AKAP13: variants seen among roughly 807,000 people sequenced by gnomAD.
AKAP13 encodes the protein A-kinase anchoring protein 13.
In AKAP13, 80 loss-of-function variants were observed where a neutral mutation model predicts 264.5. That is an observed-to-expected ratio of 0.30 (90% CI 0.25 to 0.36). AKAP13 has a LOEUF of 0.36. Ranked by LOEUF, AKAP13 falls within the 10% of genes least tolerant of loss-of-function variation. AKAP13 has a pLI of 1.00. For synonymous variants in AKAP13, 1,380 were observed against 1,250.2 expected, an observed-to-expected ratio of 1.10 and a Z score of -2.19; for missense variants, 3,712 against 3,435.2, an observed-to-expected ratio of 1.08 and a Z score of -2.01.
rs369008646 is a variant in AKAP13 at position 85,606,090 on chromosome 15, CTTTTTTT to C, written c.4161+20287_4161+20293del. 8.8e-3 allele frequency among the ~76,000 whole-genome samples: 776 copies of C among 88,342 alleles called. 10 individuals are homozygous for C. The highest frequency in any genetic ancestry group is 0.054 in the East Asian group (101 of 1,882). 58.0% of individuals were successfully genotyped at this position (88,342 alleles called of 152,430 possible). ...AGATTTTCTGCACTGGTTTGATCTA[CTTTTTTT>C]TTTTTTTTTTTTTTTTTTTGTTGAG... is the stretch of plus-strand genomic sequence containing the variant. On this transcript the variant is annotated intron_variant, in intron 8 of 36. Coordinates refer to ENST00000394518, the MANE Select transcript of AKAP13 (RefSeq NM_007200.5).
intron 1 of AKAP13, among the ~76,000 whole-genome samples, chr15:85,473,391 G>A (rs182426213): frequency 1.1e-4 from 16 of 152,290 alleles, no homozygotes; most frequent in Non-Finnish European, 2.1e-4. Context: ...ATTCAATTCA[G>A]CAAATATTTG....
chr15:85,652,665 C>A (rs2082909195), intron 10 of AKAP13, among the ~76,000 whole-genome samples: 1 of 152,168 alleles, frequency 6.6e-6, no homozygotes, highest in South Asian at 2.1e-4. Flanking sequence ...GGTCCCAGTT[C>A]TGGAGGCTGG....
chr15:85,670,510 G>A (rs185305642), intron 14 of AKAP13, among the ~76,000 whole-genome samples: 1 of 149,132 alleles, frequency 6.7e-6, no homozygotes, highest in East Asian at 2.0e-4. Context: ...CGATAAAATT[G>A]TGTTATCTAG....
intron 8 of AKAP13, chr15:85,635,040 G>A (rs1448847031): frequency 7.5e-6 from 3 of 397,978 alleles, no homozygotes; most frequent in Non-Finnish European, 1.3e-5. Context: ...AAATTCCAGT[G>A]CAAGTCTTTG....
At chr15:85,672,581 A>G (rs144783074) in intron 14 of AKAP13, among the ~76,000 whole-genome samples, 4 of 152,350 alleles carry the variant, frequency 2.6e-5, no homozygotes, top group African/African-American at 9.6e-5. Context: ...AAATAGTGTC[A>G]TAAATAAAAT....
intron 1 of AKAP13, among the ~76,000 whole-genome samples, chr15:85,383,868 G>T (rs570009363): frequency 6.6e-6 from 1 of 152,332 alleles, no homozygotes; most frequent in South Asian, 2.1e-4. Context: ...ACTTGTTTAA[G>T]GTAGAGCTGG....
rs74573253 is a variant in AKAP13 at position 85,525,307 on chromosome 15, C to T, written c.181+3732C>T. ...TCTCCTGACCTCGTGATCCACCTGC[C>T]TTGGCCTCCCAAAGTGCTGGGATTA... is the stretch of plus-strand genomic sequence containing the variant. On this transcript the variant is annotated intron_variant, in intron 3 of 36. Coordinates refer to ENST00000394518, the MANE Select transcript of AKAP13 (RefSeq NM_007200.5). Among the ~76,000 whole-genome samples, 181 of 152,256 alleles carry T rather than the reference C, an allele frequency of 1.2e-3. 3 individuals are homozygous for T. In the East Asian group the frequency reaches 0.03, roughly 25 times the overall value.
chr15:85,638,777 T>A (rs981319090), intron 8 of AKAP13, among the ~76,000 whole-genome samples: 1 of 144,708 alleles, frequency 6.9e-6, no homozygotes, highest in East Asian at 2.0e-4. Flanking sequence ...TTTTTTTTTT[T>A]GAGATGGCGT....
rs1177615001 is a variant in AKAP13, at chr15:85,743,616, C to A, written c.8183C>A (p.Ser2728Tyr). ...SGSLDSELSVSPKRNSISRTH... is the reference protein window; with the variant it reads ...SGSLDSELSVYPKRNSISRTH... ...TCATTGGACTCAGAACTTTCAGTGT[C>A]CCCAAAAAGGAACAGCATCTCTCGG... The change falls in exon 36 of 37, where the codon TCC becomes TAC. Residue 2728 changes from serine (S) to tyrosine (Y), a missense_variant. Physicochemically the swap from Ser to Tyr is moderately radical, Grantham distance 144 (BLOSUM62 -2). Around this residue, in one of 3 missense-constraint regions of AKAP13, gnomAD observed 611 missense variants for 539.3 expected, o/e 1.13. Coordinates refer to ENST00000394518, the MANE Select transcript of AKAP13 (RefSeq NM_007200.5). 6.2e-7 allele frequency: 1 copy of A among 1,614,134 alleles called. No individual in the cohort carries two copies. The highest frequency in any genetic ancestry group is 1.3e-5 in the African/African-American group (1 of 75,022).
In AKAP13 at chr15:85,580,108, A is replaced by G. The variant is rs1334181035; in HGVS notation, c.2040A>G (p.Ala680=). 1 of 1,614,230 alleles carries G rather than the reference A, an allele frequency of 6.2e-7. No individual in the cohort carries two copies. Residue 680 remains alanine, a synonymous_variant, in exon 7 of 37, where the codon GCA becomes GCG. Coordinates refer to ENST00000394518, the MANE Select transcript of AKAP13 (RefSeq NM_007200.5). ...NTVTSSGDLV[A]KLCDNIVSES... ...TGACTTCTAGTGGCGATTTGGTTGC[A>G]AAACTGTGTGATAACATAGTTAGCG... is the stretch of plus-strand genomic sequence containing the variant.
chr15:85,487,844 A>G (rs1256807033), intron 2 of AKAP13, among the ~76,000 whole-genome samples: 1 of 151,830 alleles, frequency 6.6e-6, no homozygotes, highest in African/African-American at 2.4e-5. Context: ...GGATCATCCC[A>G]CCTCAGCCTC....
At chr15:85,523,437 C>T (rs1356720124) in intron 3 of AKAP13, among the ~76,000 whole-genome samples, 11 of 152,040 alleles carry the variant, frequency 7.2e-5, no homozygotes, top group Admixed American at 7.2e-4. Flanking sequence ...TCCTTCAGGC[C>T]CTTACTCAGT....
At chr15:85,586,792 G>A (rs932425839) in intron 8 of AKAP13, among the ~76,000 whole-genome samples, 2 of 151,968 alleles carry the variant, frequency 1.3e-5, no homozygotes, top group African/African-American at 2.4e-5. Flanking sequence ...GCCGGGCGTG[G>A]TGGCAGGTGC....
chr15:85,383,234 C>G (rs1595992009), intron 1 of AKAP13, among the ~76,000 whole-genome samples: 1 of 152,174 alleles, frequency 6.6e-6, no homozygotes, highest in East Asian at 1.9e-4. Context: ...AGTCACAACT[C>G]TCCCTCCATT....
intron 14 of AKAP13, among the ~76,000 whole-genome samples, chr15:85,674,034 C>G (rs567933587): frequency 2.8e-4 from 43 of 152,010 alleles, no homozygotes; most frequent in Non-Finnish European, 5.6e-4. Context: ...CTTTTCATTG[C>G]TCCCACCCAG....
intron 3 of AKAP13, among the ~76,000 whole-genome samples, chr15:85,525,899 G>C (rs569231538): frequency 3.3e-4 from 51 of 152,310 alleles, no homozygotes; most frequent in African/African-American, 8.9e-4. Flanking sequence ...GTGGAAGATG[G>C]AACAGGATGT....
intron 1 of AKAP13, among the ~76,000 whole-genome samples, chr15:85,479,612 G>A (rs949795070): frequency 2.6e-5 from 4 of 152,188 alleles, no homozygotes; most frequent in African/African-American, 9.7e-5. Flanking sequence ...AAGCTTCCCT[G>A]TTGAGAGTGA....
chr15:85,676,830 G>C (rs1227497675), intron 14 of AKAP13: 1 of 677,886 alleles, frequency 1.5e-6, no homozygotes, highest in Non-Finnish European at 1.8e-6. Context: ...ATGGAGATGA[G>C]AATGTAAACA....
At chr15:85,700,206 C>G (rs1229272768) in intron 17 of AKAP13, among the ~76,000 whole-genome samples, 3 of 152,194 alleles carry the variant, frequency 2.0e-5, no homozygotes, top group African/African-American at 7.2e-5. Flanking sequence ...AAACCTGTAA[C>G]TGGCATATAA....
Sources: allele counts gnomAD v4.1 joint callset (sites outside exome capture counted in the v4.1 genomes callset), GRCh38; gene constraint gnomAD v4.1.1; regional missense constraint gnomAD v4.1.1; transcripts MANE v1.5; gene names NCBI Gene and HGNC (gene_info 2026-07-23, HGNC 2026-07-21).